LYRM7: variants seen among roughly 807,000 people sequenced by gnomAD.
LYRM7 encodes the protein complex III assembly factor LYRM7.
A neutral mutation model predicts 15.8 loss-of-function variants in LYRM7; 9 were observed. That is an observed-to-expected ratio of 0.57 (90% CI 0.34 to 0.99). LYRM7 has a LOEUF of 0.99. LYRM7 is among the 50% of genes least tolerant of loss of function. The pLI, the probability that LYRM7 is intolerant of heterozygous loss-of-function variation, is 0.02. For missense variants in LYRM7, 115 were observed against 119.1 expected, an observed-to-expected ratio of 0.97 and a Z score of 0.16; for synonymous variants, 39 against 39.4, an observed-to-expected ratio of 0.99 and a Z score of 0.04.
intron 4 of LYRM7, among the ~76,000 whole-genome samples, chr5:131,190,484 G>A (rs1224969020): frequency 2.7e-5 from 4 of 149,562 alleles, no homozygotes; most frequent in East Asian, 3.9e-4. Context: ...ATGAGCCACC[G>A]TGCCCTTTTT....
At chr5:131,181,547 A>T (rs1755714641) in intron 2 of LYRM7, among the ~76,000 whole-genome samples, 1 of 147,474 alleles carries the variant, frequency 6.8e-6, no homozygotes, top group Admixed American at 7.0e-5. Flanking sequence ...AACATGGAAT[A>T]TTTTTGTTGC....
chr5:131,193,217 C>T (rs1466242508), intron 4 of LYRM7, among the ~76,000 whole-genome samples: 1 of 152,166 alleles, frequency 6.6e-6, no homozygotes, highest in African/African-American at 2.4e-5. Context: ...GGTTTGTGTT[C>T]TAAGACATGT....
chr5:131,195,784 G>A (rs1318404132), intron 4 of LYRM7, among the ~76,000 whole-genome samples: 1 of 152,162 alleles, frequency 6.6e-6, no homozygotes, highest in African/African-American at 2.4e-5. Context: ...GAAACTCCAG[G>A]CCTGGCTAGC....
At chr5:131,188,805 C>A (rs1223025528) in intron 4 of LYRM7, among the ~76,000 whole-genome samples, 1 of 152,094 alleles carries the variant, frequency 6.6e-6, no homozygotes, top group Non-Finnish European at 1.5e-5. Context: ...AAATCTTTGA[C>A]TAGCTCAAGC....
intron 4 of LYRM7, among the ~76,000 whole-genome samples, chr5:131,194,837 G>C (rs1233728103): frequency 6.6e-6 from 1 of 152,146 alleles, no homozygotes; most frequent in Non-Finnish European, 1.5e-5. Context: ...AAGCCTGCCT[G>C]GTTCTGGACA....
chr5:131,197,077 T>C (rs1005394468), intron 4 of LYRM7, among the ~76,000 whole-genome samples: 1 of 152,232 alleles, frequency 6.6e-6, no homozygotes, highest in African/African-American at 2.4e-5. Flanking sequence ...TATTTAACCA[T>C]TTATTTTTCC....
chr5:131,199,503 A>G (rs1222204373), intron 4 of LYRM7, 28 bp from the exon 5 acceptor site: 2 of 1,476,828 alleles, frequency 1.4e-6, no homozygotes, highest in Non-Finnish European at 9.2e-7. Context: ...AGTGATGTTA[A>G]TTATTCTCTT....
chr5:131,182,172 G>C (rs2149661816), intron 2 of LYRM7, 57 bp from the exon 3 acceptor site: 1 of 1,299,062 alleles, frequency 7.7e-7, no homozygotes, highest in East Asian at 3.2e-5. Flanking sequence ...GTCAATTATT[G>C]AGATAGGAAT....
intron 4 of LYRM7, among the ~76,000 whole-genome samples, chr5:131,192,305 T>C (rs1182152744): frequency 1.3e-5 from 2 of 152,146 alleles, no homozygotes; most frequent in East Asian, 3.8e-4. Flanking sequence ...TAGAGGTTGG[T>C]TAATGGGTCC....
intron 4 of LYRM7, among the ~76,000 whole-genome samples, chr5:131,194,129 A>G (rs1194947212): frequency 6.6e-6 from 1 of 152,238 alleles, no homozygotes; most frequent in East Asian, 1.9e-4. Context: ...CTTTTTAAAG[A>G]TCTGGCAACA....
chr5:131,189,200 T>C (rs1383104092), intron 4 of LYRM7, among the ~76,000 whole-genome samples: 1 of 150,872 alleles, frequency 6.6e-6, no homozygotes, highest in Non-Finnish European at 1.5e-5. Flanking sequence ...TCCCAGCACT[T>C]TGGGAGGCCG....
intron 4 of LYRM7, among the ~76,000 whole-genome samples, chr5:131,192,802 TTAAC>T (rs1219699925): frequency 3.9e-5 from 6 of 152,234 alleles, no homozygotes; most frequent in African/African-American, 9.6e-5. Flanking sequence ...AGCATAGCCT[TTAAC>T]TATGAGTTAG....
At position 131,204,181 on chromosome 5, in the gene LYRM7, ACAT is replaced by A. The variant is rs1407894435; in HGVS notation, c.*4584_*4586del. 6.6e-6 allele frequency: 1 copy of A among 151,740 alleles called. No individual in the cohort carries two copies. Among genetic ancestry groups the A allele is most frequent in the African/African-American group, 2.4e-5 (1 of 41,350 alleles). The allele number at this position is 151,740 out of a possible 1,614,324, so 9.4% of individuals were successfully genotyped here. A position where few individuals can be genotyped will look rare whatever the true frequency, so the allele number is the denominator to read the frequency against. ...CTTCTGGACTCAAGCAATCCTCGCA[ACAT>A]CATTAATAGCTGAGAGTAGAGACTT... On this transcript the variant is annotated 3_prime_UTR_variant, in exon 5 of 5. Transcript: ENST00000379380.
chr5:131,191,688 A>G (rs1467470273), intron 4 of LYRM7, among the ~76,000 whole-genome samples: 1 of 152,200 alleles, frequency 6.6e-6, no homozygotes, highest in Non-Finnish European at 1.5e-5. Context: ...TAAAACCACA[A>G]TGAAATATCA....
intron 4 of LYRM7, among the ~76,000 whole-genome samples, chr5:131,188,619 A>G (rs1410761538): frequency 6.6e-6 from 1 of 152,110 alleles, no homozygotes; most frequent in Non-Finnish European, 1.5e-5. Context: ...TTGTTGATCT[A>G]AAGGATTTCT....
intron 1 of LYRM7, among the ~76,000 whole-genome samples, chr5:131,174,004 G>C (rs1755561653): frequency 6.6e-6 from 1 of 152,218 alleles, no homozygotes; most frequent in Non-Finnish European, 1.5e-5. Context: ...AGATTTATCT[G>C]TAGCATGCAA....
At chr5:131,176,894 CT>C (rs1278620815) in intron 1 of LYRM7, among the ~76,000 whole-genome samples, 3 of 152,068 alleles carry the variant, frequency 2.0e-5, no homozygotes, top group South Asian at 2.1e-4. Flanking sequence ...TGATTTCATT[CT>C]TTTTTAGTAT....
intron 3 of LYRM7, among the ~76,000 whole-genome samples, chr5:131,183,126 A>C (rs1418812843): frequency 6.6e-6 from 1 of 151,998 alleles, no homozygotes; most frequent in Non-Finnish European, 1.5e-5. Flanking sequence ...AGATGTTTAA[A>C]AAAAACTGAT....
intron 1 of LYRM7, among the ~76,000 whole-genome samples, chr5:131,177,610 A>G (rs1451995732): frequency 2.0e-5 from 3 of 152,172 alleles, no homozygotes; most frequent in Non-Finnish European, 4.4e-5. Context: ...TCCATCCTTT[A>G]CATGTGAAAT....
Sources: gnomAD v4.1 joint callset for allele counts (sites outside exome capture counted in the v4.1 genomes callset) on GRCh38, gnomAD v4.1.1 for gene constraint, MANE v1.5 for transcripts, NCBI Gene and HGNC (gene_info 2026-07-23, HGNC 2026-07-21) for gene names.